The following SORCS2 variants were observed in gnomAD, a reference collection of about 807,000 sequenced individuals.
SORCS2 encodes the protein VPS10 domain-containing receptor SorCS2.
SORCS2 carries 100 observed loss-of-function variants against 141.6 expected under a neutral mutation model. The observed-to-expected ratio is 0.71, with a 90% CI of 0.60 to 0.83. The LOEUF is 0.83. Among genes scored for constraint, SORCS2 ranks in the 40% least tolerant of loss-of-function variants. SORCS2 has a pLI of 0.00. For missense variants in SORCS2, 1,646 were observed against 1,560.2 expected, an observed-to-expected ratio of 1.05 and a Z score of -0.93; for synonymous variants, 789 against 676.9, an observed-to-expected ratio of 1.17 and a Z score of -2.57.
chr4:7,658,087 A>G (rs62650548), intron 5 of SORCS2, among the ~76,000 whole-genome samples: 5,501 of 149,414 alleles, frequency 0.037, 118 homozygotes, highest in Non-Finnish European at 0.054. Context: ...GAGTGAGTGA[A>G]TGAATGAGCG....
chr4:7,295,666 G>A (rs1272333529), intron 1 of SORCS2, among the ~76,000 whole-genome samples: 1 of 152,200 alleles, frequency 6.6e-6, no homozygotes, highest in Admixed American at 6.5e-5. Flanking sequence ...CACCCATAGG[G>A]TTACTGGTGT....
intron 3 of SORCS2, among the ~76,000 whole-genome samples, chr4:7,634,436 C>G (rs1420453781): frequency 6.6e-6 from 1 of 151,524 alleles, no homozygotes; most frequent in Non-Finnish European, 1.5e-5. Context: ...AGACACAAAG[C>G]CCAGCTAAAA....
chr4:7,361,105 C>T (rs529764733), intron 1 of SORCS2, among the ~76,000 whole-genome samples: 65 of 152,194 alleles, frequency 4.3e-4, no homozygotes, highest in Non-Finnish European at 7.1e-4. Flanking sequence ...CCTCCTCCTC[C>T]ACCACTTCCC....
chr4:7,406,669 A>G (rs1448378353), intron 2 of SORCS2, among the ~76,000 whole-genome samples: 1 of 151,728 alleles, frequency 6.6e-6, no homozygotes, highest in African/African-American at 2.4e-5. Context: ...TTATCTTTTC[A>G]AAAGACCAAC....
intron 1 of SORCS2, among the ~76,000 whole-genome samples, chr4:7,259,025 A>G (rs1714132198): frequency 1.3e-5 from 2 of 152,182 alleles, no homozygotes; most frequent in South Asian, 4.1e-4. Context: ...TCTGGATATT[A>G]GCCCTTTGTC....
intron 2 of SORCS2, among the ~76,000 whole-genome samples, chr4:7,458,860 A>C (rs76537156): frequency 0.03 from 4,537 of 152,078 alleles, 227 homozygotes; most frequent in African/African-American, 0.1. Context: ...ATGGAGCCCT[A>C]AGGAATGAGC....
intron 2 of SORCS2, among the ~76,000 whole-genome samples, chr4:7,398,288 T>A (rs750789135): frequency 6.6e-6 from 1 of 152,128 alleles, no homozygotes; most frequent in Non-Finnish European, 1.5e-5. Flanking sequence ...TCACAGCTGC[T>A]CCAAGGGTGG....
At chr4:7,493,625 T>G (rs932379958) in intron 2 of SORCS2, among the ~76,000 whole-genome samples, 1 of 152,216 alleles carries the variant, frequency 6.6e-6, no homozygotes, top group African/African-American at 2.4e-5. Context: ...CTGGCTACCC[T>G]GCTGTACCCT....
At chr4:7,218,050 A>G (rs1728470049) in intron 1 of SORCS2, among the ~76,000 whole-genome samples, 1 of 151,814 alleles carries the variant, frequency 6.6e-6, no homozygotes, top group Non-Finnish European at 1.5e-5. Flanking sequence ...CTCTTCATGC[A>G]TGTGCGTGAA....
At chr4:7,599,823 C>CTTTTTTTT (rs1370483227) in intron 3 of SORCS2, among the ~76,000 whole-genome samples, 1 of 139,142 alleles carries the variant, frequency 7.2e-6, no homozygotes. Context: ...TTTCTTTTTT[C>CTTTTTTTT]TTTTTTTTTT....
intron 3 of SORCS2, among the ~76,000 whole-genome samples, chr4:7,621,362 G>A (rs992087388): frequency 1.3e-5 from 2 of 151,598 alleles, no homozygotes; most frequent in African/African-American, 4.9e-5. Flanking sequence ...ATGTGTGAGT[G>A]TTATGTTTGT....
chr4:7,712,627 C>T lies in SORCS2; in HGVS notation c.1869-106C>T. The T allele has an allele frequency of 5.4e-6, 8 of 1,488,452 alleles. No homozygotes were observed. The South Asian group carries it at 8.7e-5, about 16-fold the overall frequency. The allele number at this position is 1,488,452 out of a possible 1,614,324, so 92.2% of individuals were successfully genotyped here. A position where few individuals can be genotyped will look rare whatever the true frequency, so the allele number is the denominator to read the frequency against. Reference sequence around the variant, plus strand: ...CAAGGGCAGGAGAAGGATATCTGTGCCCATGGTACAGGTAGGAACAGAGTC... The same window carrying T: ...CAAGGGCAGGAGAAGGATATCTGTGTCCATGGTACAGGTAGGAACAGAGTC... On this transcript the variant is annotated intron_variant, in intron 14 of 26. Coordinates refer to ENST00000507866, the MANE Select transcript of SORCS2 (RefSeq NM_020777.3).
intron 1 of SORCS2, among the ~76,000 whole-genome samples, chr4:7,394,979 T>C (rs572813282): frequency 6.6e-6 from 1 of 152,264 alleles, no homozygotes; most frequent in East Asian, 1.9e-4. Context: ...AATCAATGGG[T>C]TAAAGTCCAC....
chr4:7,274,671 G>A (rs896669958), intron 1 of SORCS2, among the ~76,000 whole-genome samples: 3 of 152,166 alleles, frequency 2.0e-5, no homozygotes, highest in South Asian at 2.1e-4. Flanking sequence ...CCAACATTGG[G>A]GATTACAATT....
chr4:7,305,059 G>T (rs1717695760), intron 1 of SORCS2, among the ~76,000 whole-genome samples: 1 of 146,678 alleles, frequency 6.8e-6, no homozygotes, highest in South Asian at 2.2e-4. Flanking sequence ...TTGAGACAGA[G>T]TCTGGCTCTT....
At chr4:7,338,177 ATGGATGT>A (rs768257909) in intron 1 of SORCS2, among the ~76,000 whole-genome samples, 13 of 144,026 alleles carry the variant, frequency 9.0e-5, no homozygotes, top group East Asian at 2.1e-4. Context: ...GGATGGATGG[ATGGATGT>A]TGGATGTTGG....
chr4:7,394,406 GA>G (rs552527622), intron 1 of SORCS2, among the ~76,000 whole-genome samples: 4,612 of 145,642 alleles, frequency 0.032, 124 homozygotes, highest in Non-Finnish European at 0.043. Flanking sequence ...GGCAGGGTTG[GA>G]GGGGGGGTGT....
intron 18 of SORCS2, among the ~76,000 whole-genome samples, chr4:7,720,496 T>C (rs1237340851): frequency 6.6e-6 from 1 of 152,144 alleles, no homozygotes. Flanking sequence ...AAAAGGAAAG[T>C]TGATAAATTG....
intron 23 of SORCS2, among the ~76,000 whole-genome samples, chr4:7,731,899 G>A (rs1373458566): frequency 3.3e-5 from 5 of 152,212 alleles, no homozygotes; most frequent in Non-Finnish European, 5.9e-5. Flanking sequence ...GAGCAATGCT[G>A]TTTTGCAGAT....
Sources: gnomAD v4.1 joint callset for allele counts (sites outside exome capture counted in the v4.1 genomes callset) on GRCh38, gnomAD v4.1.1 for gene constraint, MANE v1.5 for transcripts, NCBI Gene and HGNC (gene_info 2026-07-23, HGNC 2026-07-21) for gene names.